Variants in RTL8C observed in about 807,000 individuals in gnomAD.
RTL8C encodes the protein retrotransposon Gag-like protein 8C.
RTL8C carries 1 observed loss-of-function variant against 5.0 expected under a neutral mutation model. That is an observed-to-expected ratio of 0.20 (90% CI 0.07 to 0.95). The LOEUF (loss-of-function observed/expected upper bound fraction) is 0.95. Among genes scored for constraint, RTL8C ranks in the 40% least tolerant of loss-of-function variants. The pLI is 0.63. For missense variants in RTL8C, 39 were observed against 99.3 expected (o/e 0.39, Z 2.58); for synonymous variants, 37 against 44.5 (o/e 0.83, Z 0.67).
Position 135,033,377 on chromosome X carries a change from T to C in RTL8C, c.*652T>C. ...AAATCGAGTCTCTCATTTTCTCTTG[T>C]GGACCAGTTAGTTTTGCCCATAACG... On this transcript the variant is annotated 3_prime_UTR_variant, in exon 1 of 1. Transcript: ENST00000257013. 3.8e-6 allele frequency: 1 copy of C among 262,199 alleles called. No homozygotes were observed. Among genetic ancestry groups the C allele is most frequent in the Non-Finnish European group, 7.6e-6 (1 of 132,157 alleles). 21.6% of individuals were successfully genotyped at this position (262,199 alleles called of 1,213,427 possible). A position where few individuals can be genotyped will look rare whatever the true frequency, so the allele number is the denominator to read the frequency against.
chrX:135,033,148 C>T lies in RTL8C; in HGVS notation c.*423C>T. The T allele has an allele frequency of 5.3e-6, 5 of 939,060 alleles. No individual in the cohort carries two copies. The highest frequency in any genetic ancestry group is 7.0e-6 in the Non-Finnish European group (5 of 713,230). 77.4% of individuals were successfully genotyped at this position (939,060 alleles called of 1,213,427 possible). On this transcript the variant is annotated 3_prime_UTR_variant, in exon 1 of 1. Transcript: ENST00000257013. ...AGACCTGCGCTGCCACAGCCATCGC[C>T]ATCCATCGCATCCCACCGACAGACT...
rs375862496 is a variant in RTL8C, at chrX:135,032,750, G to A, written c.*25G>A. The A allele has an allele frequency of 2.7e-5, 33 of 1,205,323 alleles. No homozygotes were observed. Among genetic ancestry groups the A allele is most frequent in the East Asian group, 1.2e-4 (4 of 33,657 alleles). Reference sequence around the variant, plus strand: ...GGCCGGGAGACCCTCGGGCCTGGGGGCGGGTGCTCTGGGGAGGGTCCGCTG... The same window carrying A: ...GGCCGGGAGACCCTCGGGCCTGGGGACGGGTGCTCTGGGGAGGGTCCGCTG... On this transcript the variant is annotated 3_prime_UTR_variant, in exon 1 of 1. Transcript: ENST00000257013.
chrX:135,033,241 C>A lies in RTL8C; in HGVS notation c.*516C>A. 1.9e-6 allele frequency: 1 copy of A among 521,980 alleles called. No individual in the cohort carries two copies. Among genetic ancestry groups the A allele is most frequent in the Non-Finnish European group, 3.0e-6 (1 of 337,894 alleles). The allele number at this position is 521,980 out of a possible 1,213,427, so 43.0% of individuals were successfully genotyped here. On this transcript the variant is annotated 3_prime_UTR_variant, in exon 1 of 1. Coordinates refer to ENST00000257013, the MANE Select transcript of RTL8C (RefSeq NM_001078171.2). ...TGGCCACAGTCCCTGGACAGTGATC[C>A]AGACAGCTGGCCGCCCCCCAAGGGA...
chrX:135,032,432 C>T lies in RTL8C; in HGVS notation c.49C>T (p.Arg17Trp). 8.3e-7 allele frequency: 1 copy of T among 1,211,636 alleles called. No homozygotes were observed. Among genetic ancestry groups the T allele is most frequent in the Non-Finnish European group, 1.1e-6 (1 of 895,234 alleles). Residue 17 changes from arginine to tryptophan, a missense_variant, in exon 1 of 1, where the codon CGG becomes TGG. Coordinates refer to ENST00000257013, the MANE Select transcript of RTL8C (RefSeq NM_001078171.2). ...AAAGGCCCTCCTGGCCTTGCCGATC[C>T]GGCCTGCGACGCGTCGCTGGAGGAA... Reference protein sequence around the residue: ...LIKALLALPIRPATRRWRNPI... With the variant: ...LIKALLALPIWPATRRWRNPI...
Position 135,033,531 on chromosome X carries a change from CATT to C in RTL8C, c.*810_*812del, listed in dbSNP as rs769534616. 58 of 150,065 alleles carry C rather than the reference CATT, an allele frequency of 3.9e-4. No homozygotes were observed. Among genetic ancestry groups the C allele is most frequent in the Non-Finnish European group, 1.3e-4 (9 of 70,899 alleles). 12.4% of individuals were successfully genotyped at this position (150,065 alleles called of 1,213,427 possible). A position where few individuals can be genotyped will look rare whatever the true frequency, so the allele number is the denominator to read the frequency against. ...TTCCTTATTTTCAATAAATGTCAGA[CATT>C]ATTGAAAAGAAATGGTCTCAATGAA... On this transcript the variant is annotated 3_prime_UTR_variant, in exon 1 of 1. Coordinates refer to ENST00000257013, the MANE Select transcript of RTL8C (RefSeq NM_001078171.2).
rs757869122 is a variant in RTL8C, at chrX:135,032,552, A to G, written c.169A>G (p.Thr57Ala). 3 of 1,211,583 alleles carry G rather than the reference A, an allele frequency of 2.5e-6. No individual in the cohort carries two copies. Among genetic ancestry groups the G allele is most frequent in the Admixed American group, 2.2e-5 (1 of 46,159 alleles). ...CTCCTACATGTTCGTGGACGAGAAC[A>G]CGTTCTCCAGCGACGCCCTGAAGGT... ...TGSYMFVDEN[T>A]FSSDALKVTF... is the part of the protein sequence containing the mutation. Residue 57 changes from threonine (T) to alanine (A), a missense_variant, in exon 1 of 1, where the codon ACG (threonine) becomes GCG (alanine). Thr to Ala is a moderately conservative substitution (Grantham distance 58, BLOSUM62 0). Coordinates refer to ENST00000257013, the MANE Select transcript of RTL8C (RefSeq NM_001078171.2).
In RTL8C at chrX:135,032,739, C is replaced by T. The variant is rs1466674285; in HGVS notation, c.*14C>T. 6 of 1,207,808 alleles carry T rather than the reference C, an allele frequency of 5.0e-6. No homozygotes were observed. Among genetic ancestry groups the T allele is most frequent in the African/African-American group, 1.7e-5 (1 of 57,369 alleles). ...GAGGACTTCTAGGCCGGGAGACCCTCGGGCCTGGGGGCGGGTGCTCTGGGG... is the reference window on the plus strand; with the variant it reads ...GAGGACTTCTAGGCCGGGAGACCCTTGGGCCTGGGGGCGGGTGCTCTGGGG... On this transcript the variant is annotated 3_prime_UTR_variant, in exon 1 of 1. Coordinates refer to ENST00000257013, the MANE Select transcript of RTL8C (RefSeq NM_001078171.2).
Position 135,032,498 on chromosome X carries a change from C to A in RTL8C, c.115C>A (p.Arg39=). ...CGAGACGTTTGACGGCGATACCGACCGACTCCCGGAGTTCATCGTGCAGAC... is the reference window on the plus strand; with the variant it reads ...CGAGACGTTTGACGGCGATACCGACAGACTCCCGGAGTTCATCGTGCAGAC... ...FPETFDGDTD[R]LPEFIVQTGS... The change falls in exon 1 of 1, where the codon CGA becomes AGA. Residue 39 remains arginine, a synonymous_variant. Transcript: ENST00000257013. 1 of 1,211,872 alleles carries A rather than the reference C, an allele frequency of 8.3e-7. No homozygotes were observed. Among genetic ancestry groups the A allele is most frequent in the Non-Finnish European group, 1.1e-6 (1 of 895,599 alleles).
Position 135,033,534 on chromosome X carries a change from T to G in RTL8C, c.*809T>G, listed in dbSNP as rs2083297137. 6.7e-6 allele frequency: 1 copy of G among 148,896 alleles called. No individual in the cohort carries two copies. Among genetic ancestry groups the G allele is most frequent in the African/African-American group, 3.2e-5 (1 of 31,691 alleles). The allele number at this position is 148,896 out of a possible 1,213,427, so 12.3% of individuals were successfully genotyped here. On this transcript the variant is annotated 3_prime_UTR_variant, in exon 1 of 1. Transcript: ENST00000257013. ...CTTATTTTCAATAAATGTCAGACATTATTGAAAAGAAATGGTCTCAATGAA... is the reference window on the plus strand; with the variant it reads ...CTTATTTTCAATAAATGTCAGACATGATTGAAAAGAAATGGTCTCAATGAA...
rs372888607 is a variant in RTL8C at position 135,032,653 on chromosome X, C to G, written c.270C>G (p.Leu90=). ...CCTACATCAAGAAGGAGAGCCCCCT[C>G]CTCAATGATTACCGGGGCTTTCTGG... is the stretch of plus-strand genomic sequence containing the variant. ...VIPYIKKESP[L]LNDYRGFLAE... Residue 90 remains leucine (L), a synonymous_variant, in exon 1 of 1, where the codon CTC becomes CTG. Coordinates refer to ENST00000257013, the MANE Select transcript of RTL8C (RefSeq NM_001078171.2). 1.4e-5 allele frequency: 17 copies of G among 1,206,581 alleles called. No homozygotes were observed. In the South Asian group the frequency reaches 1.4e-4, roughly 10 times the overall value.
At position 135,032,567 on chromosome X, in the gene RTL8C, G is replaced by A. The variant is rs751010226; in HGVS notation, c.184G>A (p.Ala62Thr). 1.7e-6 allele frequency: 2 copies of A among 1,211,517 alleles called. No homozygotes were observed. ...FVDENTFSSDALKVTFLITRL... is the reference protein window; with the variant it reads ...FVDENTFSSDTLKVTFLITRL... ...GGACGAGAACACGTTCTCCAGCGAC[G>A]CCCTGAAGGTGACGTTCCTCATCAC... Residue 62 changes from alanine (A) to threonine (T), a missense_variant, in exon 1 of 1, where the codon GCC becomes ACC. Physicochemically the swap from Ala to Thr is moderately conservative, Grantham distance 58. Coordinates refer to ENST00000257013, the MANE Select transcript of RTL8C (RefSeq NM_001078171.2).
At position 135,033,401 on chromosome X, in the gene RTL8C, C is replaced by A; in HGVS notation, c.*676C>A. On this transcript the variant is annotated 3_prime_UTR_variant, in exon 1 of 1. Transcript: ENST00000257013. ...GTGGACCAGTTAGTTTTGCCCATAA[C>A]GCAGTATTCTGAGTTTGCAACTGTC... is the stretch of plus-strand genomic sequence containing the variant. The A allele has an allele frequency of 4.0e-6, 1 of 247,857 alleles. No homozygotes were observed. Among genetic ancestry groups the A allele is most frequent in the Non-Finnish European group, 8.0e-6 (1 of 124,758 alleles). 20.4% of individuals were successfully genotyped at this position (247,857 alleles called of 1,213,427 possible).
Position 135,033,302 on chromosome X carries a change from C to A in RTL8C, c.*577C>A. 3.3e-6 allele frequency: 1 copy of A among 306,513 alleles called. No individual in the cohort carries two copies. The highest frequency in any genetic ancestry group is 6.4e-6 in the Non-Finnish European group (1 of 156,417). 25.3% of individuals were successfully genotyped at this position (306,513 alleles called of 1,213,427 possible). ...TCAGCGAGACCTATTTCCTCCCCAC[C>A]CCCAGAAACCTCTTGTGTTCTTGCC... is the stretch of plus-strand genomic sequence containing the variant. On this transcript the variant is annotated 3_prime_UTR_variant, in exon 1 of 1. Coordinates refer to ENST00000257013, the MANE Select transcript of RTL8C (RefSeq NM_001078171.2).
At position 135,032,495 on chromosome X, in the gene RTL8C, G is replaced by C. The variant is rs1370468705; in HGVS notation, c.112G>C (p.Asp38His). The stretch of plus-strand genomic sequence containing the variant: ...TCCCGAGACGTTTGACGGCGATACC[G>C]ACCGACTCCCGGAGTTCATCGTGCA... ...PFPETFDGDT[D>H]RLPEFIVQTG... Residue 38 changes from aspartate (D) to histidine (H), a missense_variant, in exon 1 of 1, where the codon GAC becomes CAC. Asp to His is a moderately conservative substitution (Grantham distance 81). Coordinates refer to ENST00000257013, the MANE Select transcript of RTL8C (RefSeq NM_001078171.2). 2.5e-6 allele frequency: 3 copies of C among 1,210,622 alleles called. No homozygotes were observed. Among genetic ancestry groups the C allele is most frequent in the East Asian group, 3.0e-5 (1 of 33,772 alleles).
In RTL8C at chrX:135,032,581, G is replaced by T. The variant is rs757819192; in HGVS notation, c.198G>T (p.Thr66=). The T allele has an allele frequency of 8.3e-7, 1 of 1,211,499 alleles. No homozygotes were observed. Among genetic ancestry groups the T allele is most frequent in the Admixed American group, 2.2e-5 (1 of 46,161 alleles). ...NTFSSDALKV[T]FLITRLTGPA... Reference sequence around the variant, plus strand: ...TCTCCAGCGACGCCCTGAAGGTGACGTTCCTCATCACCCGCCTCACAGGGC... The same window carrying T: ...TCTCCAGCGACGCCCTGAAGGTGACTTTCCTCATCACCCGCCTCACAGGGC... The change falls in exon 1 of 1, where the codon ACG becomes ACT. Residue 66 remains threonine, a synonymous_variant. Coordinates refer to ENST00000257013, the MANE Select transcript of RTL8C (RefSeq NM_001078171.2).
At position 135,032,390 on chromosome X, in the gene RTL8C, G is replaced by A. The variant is rs771395950; in HGVS notation, c.7G>A (p.Gly3Ser). 4 of 1,202,652 alleles carry A rather than the reference G, an allele frequency of 3.3e-6. No homozygotes were observed. Among genetic ancestry groups the A allele is most frequent in the Admixed American group, 2.2e-5 (1 of 45,154 alleles). MD[G>S]RVQLIKALLA... ...AGCGAAGCGAGGAGCAGCGATGGAC[G>A]GTCGGGTGCAGCTGATAAAGGCCCT... Residue 3 changes from glycine to serine, a missense_variant, in exon 1 of 1, where the codon GGT (glycine) becomes AGT (serine). Gly to Ser is a moderately conservative substitution (Grantham distance 56). Transcript: ENST00000257013.
In RTL8C at chrX:135,033,141, C is replaced by T; in HGVS notation, c.*416C>T. ...TGCCCACAGACCTGCGCTGCCACAG[C>T]CATCGCCATCCATCGCATCCCACCG... On this transcript the variant is annotated 3_prime_UTR_variant, in exon 1 of 1. Coordinates refer to ENST00000257013, the MANE Select transcript of RTL8C (RefSeq NM_001078171.2). The T allele has an allele frequency of 1.1e-6, 1 of 938,807 alleles. No homozygotes were observed. Among genetic ancestry groups the T allele is most frequent in the Non-Finnish European group, 1.4e-6 (1 of 712,743 alleles). 77.4% of individuals were successfully genotyped at this position (938,807 alleles called of 1,213,427 possible).
Position 135,032,751 on chromosome X carries a change from C to T in RTL8C, c.*26C>T, listed in dbSNP as rs756497322. 1 of 1,204,923 alleles carries T rather than the reference C, an allele frequency of 8.3e-7. No homozygotes were observed. The highest frequency in any genetic ancestry group is 2.2e-5 in the Admixed American group (1 of 45,491). ...GCCGGGAGACCCTCGGGCCTGGGGGCGGGTGCTCTGGGGAGGGTCCGCTGT... is the reference window on the plus strand; with the variant it reads ...GCCGGGAGACCCTCGGGCCTGGGGGTGGGTGCTCTGGGGAGGGTCCGCTGT... On this transcript the variant is annotated 3_prime_UTR_variant, in exon 1 of 1. Transcript: ENST00000257013.
At position 135,032,419 on chromosome X, in the gene RTL8C, G is replaced by A; in HGVS notation, c.36G>A (p.Leu12=). The A allele has an allele frequency of 8.3e-7, 1 of 1,211,147 alleles. No homozygotes were observed. Among genetic ancestry groups the A allele is most frequent in the Non-Finnish European group, 1.1e-6 (1 of 894,929 alleles). Residue 12 remains leucine, a synonymous_variant, in exon 1 of 1, where the codon CTG becomes CTA. Transcript: ENST00000257013. ...GGGTGCAGCTGATAAAGGCCCTCCT[G>A]GCCTTGCCGATCCGGCCTGCGACGC... ...DGRVQLIKAL[L]ALPIRPATRR...
Sources: gnomAD v4.1 joint callset for allele counts on GRCh38, gnomAD v4.1.1 for gene constraint, MANE v1.5 for transcripts, NCBI Gene and HGNC (gene_info 2026-07-23, HGNC 2026-07-21) for gene names.